Variants in PLEKHA6 observed in about 807,000 individuals in gnomAD.
The protein encoded by PLEKHA6 is pleckstrin homology domain containing A6.
Under a neutral mutation model 116.7 loss-of-function variants are expected in PLEKHA6, and 60 were observed. That is an observed-to-expected ratio of 0.51 (90% CI 0.42 to 0.64). The LOEUF is 0.64. PLEKHA6 is among the 30% of genes least tolerant of loss of function. The pLI is 0.00. For missense variants in PLEKHA6, 1,338 were observed against 1,422.7 expected, an observed-to-expected ratio of 0.94 and a Z score of 0.96; for synonymous variants, 489 against 556.1, an observed-to-expected ratio of 0.88 and a Z score of 1.70.
At chr1:204,338,986 C>A (rs979471324) in intron 1 of PLEKHA6, among the ~76,000 whole-genome samples, 2 of 152,220 alleles carry the variant, frequency 1.3e-5, no homozygotes, top group Admixed American at 6.5e-5. Context: ...TCAGTTGGAC[C>A]AGCAGCATGT....
intron 1 of PLEKHA6, chr1:204,317,117 A>G (rs1490646797): frequency 2.9e-6 from 1 of 350,668 alleles, no homozygotes; most frequent in Non-Finnish European, 4.0e-6. Context: ...TGTGCTCACC[A>G]AATTCAGCTC....
chr1:204,353,814 C>A (rs115086261), intron 1 of PLEKHA6, among the ~76,000 whole-genome samples: 1 of 152,094 alleles, frequency 6.6e-6, no homozygotes. Context: ...CTCAGCACTA[C>A]GCCTCTATCA....
chr1:204,230,218 C>A (rs556179529), intron 18 of PLEKHA6, among the ~76,000 whole-genome samples, 195 bp downstream of exon 18: 1 of 152,188 alleles, frequency 6.6e-6, no homozygotes, highest in Non-Finnish European at 1.5e-5. Context: ...TTTCTTTAAA[C>A]AAGAAAAAGT....
chr1:204,343,032 T>C (rs1047587322), intron 1 of PLEKHA6, among the ~76,000 whole-genome samples: 2 of 152,190 alleles, frequency 1.3e-5, no homozygotes, highest in Non-Finnish European at 2.9e-5. Context: ...TGGGCTCCCC[T>C]TGACCCTGAC....
intron 1 of PLEKHA6, chr1:204,309,735 T>C: frequency 1.1e-6 from 1 of 918,530 alleles, no homozygotes; most frequent in Non-Finnish European, 1.3e-6. Flanking sequence ...TTTAGTATGA[T>C]GCTTCTTGGA....
chr1:204,308,687 CTTTTTTTT>C (rs60251937), intron 1 of PLEKHA6, among the ~76,000 whole-genome samples: 1 of 81,404 alleles, frequency 1.2e-5, no homozygotes, highest in Admixed American at 1.8e-4. Flanking sequence ...TTTTCTTTTT[CTTTTTTTT>C]TTTTTTTTTT....
intron 1 of PLEKHA6, among the ~76,000 whole-genome samples, chr1:204,283,076 G>A (rs1668802291): frequency 6.6e-6 from 1 of 152,218 alleles, no homozygotes; most frequent in Admixed American, 6.5e-5. Context: ...AGTGGCTGAG[G>A]CAGCCCAGCT....
chr1:204,377,985 CA>C (rs1432517923), upstream of PLEKHA6: 1 of 152,320 alleles, frequency 6.6e-6, no homozygotes, highest in Non-Finnish European at 1.5e-5. Context: ...TAATGACGGG[CA>C]ATTAGCGCGG....
At chr1:204,287,126 T>A (rs1221567396) in intron 1 of PLEKHA6, among the ~76,000 whole-genome samples, 1 of 152,072 alleles carries the variant, frequency 6.6e-6, no homozygotes, top group Non-Finnish European at 1.5e-5. Context: ...CATCACTATG[T>A]CATCGAATCT....
At chr1:204,352,756 A>G (rs1673318760) in intron 1 of PLEKHA6, among the ~76,000 whole-genome samples, 1 of 152,208 alleles carries the variant, frequency 6.6e-6, no homozygotes, top group African/African-American at 2.4e-5. Context: ...AGGCCGAGGC[A>G]GGAGGATCAC....
intron 15 of PLEKHA6, among the ~76,000 whole-genome samples, chr1:204,242,651 T>TAGAGAAAA (rs1489232920): frequency 6.6e-6 from 1 of 152,202 alleles, no homozygotes; most frequent in Non-Finnish European, 1.5e-5. Flanking sequence ...GAAAAGGGCC[T>TAGAGAAAA]GTATCCTTAT....
At chr1:204,278,545 G>T (rs1208967225) in intron 1 of PLEKHA6, among the ~76,000 whole-genome samples, 3 of 152,176 alleles carry the variant, frequency 2.0e-5, no homozygotes, top group African/African-American at 7.2e-5. Context: ...AACTTGATTG[G>T]GGAATAATGT....
chr1:204,283,053 A>ACCC (rs1052626159), intron 1 of PLEKHA6, among the ~76,000 whole-genome samples: 1 of 152,044 alleles, frequency 6.6e-6, no homozygotes, highest in Non-Finnish European at 1.5e-5. Context: ...TGAATCTCAA[A>ACCC]CCCCTGCCCT....
chr1:204,367,405 G>A (rs898978106), intron 3 of PLEKHA6, among the ~76,000 whole-genome samples: 11 of 152,082 alleles, frequency 7.2e-5, no homozygotes, highest in East Asian at 5.8e-4. Flanking sequence ...TACACCCCAC[G>A]GACACCTTCC....
rs1458884953 is a variant in PLEKHA6, at chr1:204,230,661, A to G, written c.2410-75T>C. On this transcript the variant is annotated intron_variant, in intron 17 of 22. Transcript: ENST00000272203. ...AGCTTTTCCATCCTGAACCCTTAACATTTACCTTCTACGGGAAGTCTGCCT... is the reference window on the plus strand; with the variant it reads ...AGCTTTTCCATCCTGAACCCTTAACGTTTACCTTCTACGGGAAGTCTGCCT... 4.7e-6 allele frequency: 6 copies of G among 1,281,074 alleles called. No individual in the cohort carries two copies. The African/African-American group carries it at 9.0e-5, about 19-fold the overall frequency. The allele number at this position is 1,281,074 out of a possible 1,614,324, so 79.4% of individuals were successfully genotyped here.
At chr1:204,267,409 C>T (rs756545254) in intron 5 of PLEKHA6, 66 bp downstream of exon 5, 26 of 1,402,784 alleles carry the variant, frequency 1.9e-5, no homozygotes, top group Non-Finnish European at 2.3e-5. Flanking sequence ...GGGGATATGG[C>T]AGAATGAGAA....
intron 17 of PLEKHA6, among the ~76,000 whole-genome samples, chr1:204,234,485 C>T (rs1438691628): frequency 6.6e-6 from 1 of 152,230 alleles, no homozygotes; most frequent in Non-Finnish European, 1.5e-5. Flanking sequence ...ACTCTGAACA[C>T]TGACTTTTGC....
At chr1:204,349,835 T>A (rs572056824) in intron 1 of PLEKHA6, among the ~76,000 whole-genome samples, 55 of 152,354 alleles carry the variant, frequency 3.6e-4, no homozygotes, top group African/African-American at 1.3e-3. Context: ...GCTGTCTCAG[T>A]GTTTCACTGA....
chr1:204,339,839 A>G (rs1361492238), intron 1 of PLEKHA6, among the ~76,000 whole-genome samples: 1 of 152,248 alleles, frequency 6.6e-6, no homozygotes, highest in African/African-American at 2.4e-5. Flanking sequence ...ATAATATTAA[A>G]CAAAAAAGAA....
Sources: allele counts gnomAD v4.1 joint callset (sites outside exome capture counted in the v4.1 genomes callset), GRCh38; gene constraint gnomAD v4.1.1; transcripts MANE v1.5; gene names NCBI Gene and HGNC (gene_info 2026-07-23, HGNC 2026-07-21).